PAPPA2: variants seen among roughly 807,000 people sequenced by gnomAD.
The protein encoded by PAPPA2 is pappalysin-2.
A neutral mutation model predicts 176.4 loss-of-function variants in PAPPA2; 86 were observed. The observed-to-expected ratio is 0.49, with a 90% CI of 0.41 to 0.58. The LOEUF (loss-of-function observed/expected upper bound fraction) is 0.58, where lower values mean the gene tolerates loss of function less well. Among genes scored for constraint, PAPPA2 ranks in the 20% least tolerant of loss-of-function variants. The pLI, the probability that PAPPA2 is intolerant of heterozygous loss-of-function variation, is 0.00. For missense variants in PAPPA2, 2,073 were observed against 2,256.9 expected, an observed-to-expected ratio of 0.92 and a Z score of 1.65; for synonymous variants, 809 against 852.2, an observed-to-expected ratio of 0.95 and a Z score of 0.88.
At chr1:176,490,792 T>C (rs1354379628) in intron 1 of PAPPA2, among the ~76,000 whole-genome samples, 1 of 152,142 alleles carries the variant, frequency 6.6e-6, no homozygotes, top group Non-Finnish European at 1.5e-5. Flanking sequence ...GCCACTTGAC[T>C]GTTTCTCCTA....
chr1:176,832,045 T>C (rs1229032842), intron 21 of PAPPA2, among the ~76,000 whole-genome samples: 2 of 152,184 alleles, frequency 1.3e-5, no homozygotes, highest in Non-Finnish European at 2.9e-5. Context: ...TGGCAGAATC[T>C]TGAAGTTTTC....
Position 176,556,095 on chromosome 1 carries a change from G to A in PAPPA2, c.-228G>A, listed in dbSNP as rs1651265738. On this transcript the variant is annotated 5_prime_UTR_variant, in exon 2 of 23. Coordinates refer to ENST00000367662, the MANE Select transcript of PAPPA2 (RefSeq NM_020318.3). ...GAGAGAGGTCAAGCGAGAAGCGTGC[G>A]GGAAGCACATGCCCTGGGGAGGCAT... 8.8e-6 allele frequency: 5 copies of A among 565,252 alleles called. No homozygotes were observed. The highest frequency in any genetic ancestry group is 2.5e-5 in the South Asian group (1 of 40,448). 35.0% of individuals were successfully genotyped at this position (565,252 alleles called of 1,614,324 possible). A position where few individuals can be genotyped will look rare whatever the true frequency, so the allele number is the denominator to read the frequency against.
intron 14 of PAPPA2, among the ~76,000 whole-genome samples, chr1:176,760,538 A>G (rs748319805): frequency 1.5e-4 from 23 of 152,196 alleles, no homozygotes; most frequent in Non-Finnish European, 2.6e-4. Context: ...ATAAAGCAGG[A>G]GTATATGTTT....
chr1:176,810,294 C>T (rs755587867), intron 21 of PAPPA2, among the ~76,000 whole-genome samples: 1 of 152,086 alleles, frequency 6.6e-6, no homozygotes, highest in Non-Finnish European at 1.5e-5. Flanking sequence ...CAAGTGACAG[C>T]AGTTGAAACC....
chr1:176,670,622 T>C (rs1658939662), intron 3 of PAPPA2, among the ~76,000 whole-genome samples: 3 of 152,232 alleles, frequency 2.0e-5, no homozygotes, highest in African/African-American at 7.2e-5. Flanking sequence ...TTCTTCACTA[T>C]GGCCTGAGAA....
At chr1:176,626,054 A>G (rs764788800) in intron 3 of PAPPA2, among the ~76,000 whole-genome samples, 19 of 152,140 alleles carry the variant, frequency 1.2e-4, no homozygotes, top group Non-Finnish European at 2.4e-4. Flanking sequence ...AAAAAAAATT[A>G]CAAAATACCA....
chr1:176,607,784 C>A (rs565360721), intron 3 of PAPPA2, among the ~76,000 whole-genome samples: 21 of 152,264 alleles, frequency 1.4e-4, no homozygotes, highest in African/African-American at 5.1e-4. Flanking sequence ...TTTGGCTAAC[C>A]GGCTTTTATA....
At position 176,740,064 on chromosome 1, in the gene PAPPA2, C is replaced by T; in HGVS notation, c.4019C>T (p.Ser1340Leu). ...HQNVLFHHTT[S>L]VLLNFSSPRV... ...AATGTCCTTTTCCACCATACCACCT[C>T]AGTGCTGCTGAATTTCTCATCCCCA... is the stretch of plus-strand genomic sequence containing the variant. Residue 1340 changes from serine to leucine, a missense_variant, in exon 14 of 23, where the codon TCA (serine) becomes TTA (leucine). This residue lies in a region of PAPPA2 where 846 missense variants were observed against 857.9 expected (regional missense o/e 0.99). Coordinates refer to ENST00000367662, the MANE Select transcript of PAPPA2 (RefSeq NM_020318.3). The T allele has an allele frequency of 2.5e-6, 4 of 1,613,976 alleles. No individual in the cohort carries two copies. The highest frequency in any genetic ancestry group is 3.4e-6 in the Non-Finnish European group (4 of 1,179,902).
chr1:176,554,134 C>T (rs1333624653), intron 1 of PAPPA2, among the ~76,000 whole-genome samples: 1 of 152,104 alleles, frequency 6.6e-6, no homozygotes, highest in Non-Finnish European at 1.5e-5. Context: ...GGAAACAGGA[C>T]ATGCTGGGGA....
intron 12 of PAPPA2, among the ~76,000 whole-genome samples, chr1:176,737,849 C>T (rs1316268650): frequency 6.6e-6 from 1 of 152,032 alleles, no homozygotes; most frequent in Non-Finnish European, 1.5e-5. Context: ...TATTAACTAG[C>T]TTAAGGTGGG....
intron 3 of PAPPA2, among the ~76,000 whole-genome samples, chr1:176,623,614 C>CTA (rs1558479036): frequency 1.1e-5 from 1 of 88,262 alleles, no homozygotes; most frequent in East Asian, 3.4e-4. Flanking sequence ...TTCCTTCCTT[C>CTA]CTTCCTTCCT....
At chr1:176,638,939 CGTGTGT>C (rs34264749) in intron 3 of PAPPA2, among the ~76,000 whole-genome samples, 10,673 of 143,092 alleles carry the variant, frequency 0.075, 1,224 homozygotes, top group African/African-American at 0.26. Context: ...TGTGCATGTG[CGTGTGT>C]GTGTGTGTGT....
Position 176,842,519 on chromosome 1 carries a change from G to A in PAPPA2, c.*65G>A, listed in dbSNP as rs1667526462. 4 of 1,358,062 alleles carry A rather than the reference G, an allele frequency of 2.9e-6. No homozygotes were observed. The highest frequency in any genetic ancestry group is 2.3e-5 in the East Asian group (1 of 43,106). The allele number at this position is 1,358,062 out of a possible 1,614,324, so 84.1% of individuals were successfully genotyped here. ...GTAAGAAAGAGAGGCCGACCCAGGA[G>A]GAAACAAAGGGTGAATGAAGAAGAA... On this transcript the variant is annotated 3_prime_UTR_variant, in exon 23 of 23. Coordinates refer to ENST00000367662, the MANE Select transcript of PAPPA2 (RefSeq NM_020318.3).
chr1:176,730,424 T>C (rs886419083), intron 12 of PAPPA2, among the ~76,000 whole-genome samples: 2 of 152,042 alleles, frequency 1.3e-5, no homozygotes, highest in South Asian at 2.1e-4. Context: ...GTTTTTATTA[T>C]ATTTCAACTC....
chr1:176,668,741 T>C (rs1317549419), intron 3 of PAPPA2, among the ~76,000 whole-genome samples: 2 of 152,194 alleles, frequency 1.3e-5, no homozygotes, highest in African/African-American at 2.4e-5. Flanking sequence ...CTTCTATCAA[T>C]TCAATTAATG....
chr1:176,778,312 G>C (rs548704051), intron 17 of PAPPA2, among the ~76,000 whole-genome samples: 2 of 152,038 alleles, frequency 1.3e-5, no homozygotes, highest in African/African-American at 4.8e-5. Context: ...GAAAGAGGGG[G>C]AAAAAGAAAC....
chr1:176,643,822 A>G (rs963533341), intron 3 of PAPPA2, among the ~76,000 whole-genome samples: 1 of 151,654 alleles, frequency 6.6e-6, no homozygotes, highest in African/African-American at 2.4e-5. Context: ...AGAGGGGGAG[A>G]TTGATTAGAA....
intron 14 of PAPPA2, among the ~76,000 whole-genome samples, chr1:176,743,922 A>G (rs1408951055): frequency 6.6e-6 from 1 of 152,206 alleles, no homozygotes; most frequent in Admixed American, 6.5e-5. Flanking sequence ...ACAGAACATT[A>G]TCTCCTTTTC....
At chr1:176,688,343 T>C (rs1339580778) in intron 4 of PAPPA2, among the ~76,000 whole-genome samples, 4 of 152,200 alleles carry the variant, frequency 2.6e-5, no homozygotes, top group African/African-American at 9.7e-5. Flanking sequence ...GGAGGCATAA[T>C]TGTACATGAA....
Sources: gnomAD v4.1 joint callset for allele counts (sites outside exome capture counted in the v4.1 genomes callset) on GRCh38, gnomAD v4.1.1 for gene constraint, gnomAD v4.1.1 regional missense constraint, MANE v1.5 for transcripts, NCBI Gene and HGNC (gene_info 2026-07-23, HGNC 2026-07-21) for gene names.